The following AP1AR variants were observed in gnomAD, a reference collection of about 807,000 sequenced individuals.
AP1AR encodes the protein adaptor related protein complex 1 associated regulatory protein, also known as AP-1 complex-associated regulatory protein.
AP1AR carries 29 observed loss-of-function variants against 46.3 expected under a neutral mutation model. That is an observed-to-expected ratio of 0.63 (90% CI 0.47 to 0.85). AP1AR has a LOEUF of 0.85. Among genes scored for constraint, AP1AR ranks in the 40% least tolerant of loss-of-function variants. AP1AR has a pLI of 0.00. For missense variants in AP1AR, 357 were observed against 356.3 expected (o/e 1.00, Z -0.02); for synonymous variants, 122 against 122.9 (o/e 0.99, Z 0.05).
At chr4:112,245,642 A>G (rs993114328) in intron 1 of AP1AR, among the ~76,000 whole-genome samples, 6 of 152,212 alleles carry the variant, frequency 3.9e-5, no homozygotes, top group Non-Finnish European at 5.9e-5. Flanking sequence ...TAGGATAACA[A>G]TAGTTCATAG....
intron 1 of AP1AR, among the ~76,000 whole-genome samples, chr4:112,245,506 G>C (rs918447898): frequency 7.2e-5 from 11 of 152,126 alleles, no homozygotes; most frequent in Admixed American, 6.5e-4. Flanking sequence ...TTTGTACTAA[G>C]TCCTCAAAAT....
chr4:112,231,841 T>G lies in AP1AR; in HGVS notation c.-251T>G. 5.3e-6 allele frequency: 2 copies of G among 375,374 alleles called. No individual in the cohort carries two copies. The highest frequency in any genetic ancestry group is 9.5e-6 in the Non-Finnish European group (2 of 211,436). 23.3% of individuals were successfully genotyped at this position (375,374 alleles called of 1,614,324 possible). On this transcript the variant is annotated 5_prime_UTR_variant, in exon 1 of 10. Transcript: ENST00000274000. ...AAGGGCCATGCGGACGGCGAGGGAG[T>G]CCAGAGCCTTGAGCCCGGTGCTCCT...
At chr4:112,245,221 A>C in intron 1 of AP1AR, among the ~76,000 whole-genome samples, 1 of 152,160 alleles carries the variant, frequency 6.6e-6, no homozygotes, top group East Asian at 1.9e-4. Context: ...ATAATGTTTT[A>C]TGCATAATAC....
At chr4:112,242,181 A>G (rs1167198103) in intron 1 of AP1AR, among the ~76,000 whole-genome samples, 1 of 152,252 alleles carries the variant, frequency 6.6e-6, no homozygotes, top group East Asian at 1.9e-4. Flanking sequence ...GCCTATTCTT[A>G]ACAAGACTGG....
chr4:112,244,223 C>G (rs907084906), intron 1 of AP1AR, among the ~76,000 whole-genome samples: 1 of 152,092 alleles, frequency 6.6e-6, no homozygotes, highest in Non-Finnish European at 1.5e-5. Flanking sequence ...TGCCTATTTA[C>G]TTGAAATTTA....
chr4:112,271,326 C>A lies in AP1AR; in HGVS notation c.*2917C>A, dbSNP rs1468469340. Among the ~76,000 whole-genome samples, 1 of 152,214 alleles carries A rather than the reference C, an allele frequency of 6.6e-6. No homozygotes were observed. The highest frequency in any genetic ancestry group is 1.9e-4 in the East Asian group (1 of 5,200). Reference sequence around the variant, plus strand: ...AGGCAATTTCTCATCCAGCTGGTTTCCAGTGACCTCACTCTCATTCAGGTG... The same window carrying A: ...AGGCAATTTCTCATCCAGCTGGTTTACAGTGACCTCACTCTCATTCAGGTG... On this transcript the variant is annotated 3_prime_UTR_variant, in exon 10 of 10. Coordinates refer to ENST00000274000, the MANE Select transcript of AP1AR (RefSeq NM_018569.6).
chr4:112,257,855 C>A lies in AP1AR; in HGVS notation c.185+58C>A, dbSNP rs529605015. 1.6e-4 allele frequency: 231 copies of A among 1,412,530 alleles called. 3 individuals carry two copies. In the South Asian group the frequency reaches 3.2e-3, roughly 19 times the overall value. The allele number at this position is 1,412,530 out of a possible 1,614,324, so 87.5% of individuals were successfully genotyped here. ...TCTATGCAAACTGTAAGAAAACTCT[C>A]TTAAGAAGTCAGGCTTTATCATTTG... On this transcript the variant is annotated intron_variant, in intron 4 of 9. Transcript: ENST00000274000.
At chr4:112,265,211 G>T in intron 7 of AP1AR, 144 bp downstream of exon 7, 1 of 591,572 alleles carries the variant, frequency 1.7e-6, no homozygotes, top group Non-Finnish European at 2.9e-6. Flanking sequence ...ACATTGTCTT[G>T]GAAGAAAACT....
At chr4:112,265,943 C>T (rs1726687813) in intron 8 of AP1AR, 136 bp downstream of exon 8, 3 of 573,272 alleles carry the variant, frequency 5.2e-6, no homozygotes, top group Admixed American at 3.5e-5. Flanking sequence ...CCTAGGTAGT[C>T]ATTAATTATA....
At chr4:112,242,703 C>T (rs1725558700) in intron 1 of AP1AR, among the ~76,000 whole-genome samples, 1 of 152,158 alleles carries the variant, frequency 6.6e-6, no homozygotes, top group African/African-American at 2.4e-5. Flanking sequence ...GAGGGATCCA[C>T]CACTGTTACC....
intron 1 of AP1AR, among the ~76,000 whole-genome samples, chr4:112,232,680 T>G (rs969415947): frequency 1.3e-5 from 2 of 152,234 alleles, no homozygotes; most frequent in Non-Finnish European, 2.9e-5. Flanking sequence ...CAGATACTGA[T>G]GAACTCTGGT....
At position 112,257,773 on chromosome 4, in the gene AP1AR, G is replaced by T; in HGVS notation, c.161G>T (p.Gly54Val). ...EFENLVESDE[G>V]ESPGSSHRPL... ...ATTGTTTAATTAATTTTTGTACAGG[G>T]GGAGAGCCCAGGAAGCAGTCATAGG... The change falls in exon 4 of 10, where the codon GGG (glycine) becomes GTG (valine). Residue 54 changes from glycine (G) to valine (V), a missense_variant and splice_region_variant. By Grantham distance (109) the Gly-to-Val change is moderately radical. Around this residue, in one of 2 missense-constraint regions of AP1AR, gnomAD observed 269 missense variants for 223.6 expected, o/e 1.20. Transcript: ENST00000274000. 1 of 1,565,114 alleles carries T rather than the reference G, an allele frequency of 6.4e-7. No individual in the cohort carries two copies. Among genetic ancestry groups the T allele is most frequent in the Non-Finnish European group, 8.6e-7 (1 of 1,159,802 alleles).
intron 4 of AP1AR, among the ~76,000 whole-genome samples, chr4:112,260,550 T>C (rs1293890387): frequency 6.6e-6 from 1 of 152,244 alleles, no homozygotes; most frequent in Non-Finnish European, 1.5e-5. Context: ...AAAACTATTC[T>C]GATATTGTAT....
At position 112,245,209 on chromosome 4, in the gene AP1AR, AAAT is replaced by A. The variant is rs1427146829; in HGVS notation, c.84-7995_84-7993del. Among the ~76,000 whole-genome samples the A allele has an allele frequency of 1.1e-4, 17 of 152,280 alleles. 1 individual carries two copies. Among genetic ancestry groups the A allele is most frequent in the Middle Eastern group, 6.8e-3 (2 of 294 alleles). ...TTTTATGAATAATAGTTAATTAATA[AAAT>A]AATGTTTTATGCATAATACAATTAA... On this transcript the variant is annotated intron_variant, in intron 1 of 9. Transcript: ENST00000274000.
In AP1AR at chr4:112,263,012, A is replaced by G; in HGVS notation, c.307A>G (p.Arg103Gly). 6.2e-7 allele frequency: 1 copy of G among 1,613,826 alleles called. No individual in the cohort carries two copies. The highest frequency in any genetic ancestry group is 8.5e-7 in the Non-Finnish European group (1 of 1,179,844). The change falls in exon 6 of 10, where the codon AGA becomes GGA. Residue 103 changes from arginine (R) to glycine (G), a missense_variant. Around this residue, in one of 2 missense-constraint regions of AP1AR, gnomAD observed 269 missense variants for 223.6 expected, o/e 1.20. Coordinates refer to ENST00000274000, the MANE Select transcript of AP1AR (RefSeq NM_018569.6). ...KELALQEEKL[R>G]LEEEALYAAQ... ...GTTAGCCTTACAAGAAGAGAAGTTA[A>G]GACTAGAAGAAGAAGCTTTATACGC...
intron 1 of AP1AR, among the ~76,000 whole-genome samples, chr4:112,234,192 C>G (rs1376584097): frequency 6.6e-6 from 1 of 152,170 alleles, no homozygotes; most frequent in Non-Finnish European, 1.5e-5. Flanking sequence ...GAAATACTTG[C>G]TTTGGAGTTC....
chr4:112,261,910 G>T (rs572633320), intron 5 of AP1AR, among the ~76,000 whole-genome samples: 40 of 151,352 alleles, frequency 2.6e-4, no homozygotes, highest in African/African-American at 9.5e-4. Flanking sequence ...TCAAGACTAT[G>T]GGAGGTCGAA....
intron 1 of AP1AR, among the ~76,000 whole-genome samples, chr4:112,240,222 G>A (rs62313753): frequency 0.024 from 3,685 of 152,078 alleles, 73 homozygotes; most frequent in Middle Eastern, 0.037. Flanking sequence ...TTTGCTTCAT[G>A]TGTGTCACAC....
Position 112,269,814 on chromosome 4 carries a change from G to A in AP1AR, c.*1405G>A, listed in dbSNP as rs1726877474. ...TTAGGTAATGCTATTATTTATATCT[G>A]TCTTAACATAATTTAAGTTGTAGCT... is the stretch of plus-strand genomic sequence containing the variant. On this transcript the variant is annotated 3_prime_UTR_variant, in exon 10 of 10. Transcript: ENST00000274000. 1 of 152,226 alleles carries A rather than the reference G, an allele frequency of 6.6e-6. No homozygotes were observed. The highest frequency in any genetic ancestry group is 2.4e-5 in the African/African-American group (1 of 41,326). The allele number at this position is 152,226 out of a possible 1,614,324, so 9.4% of individuals were successfully genotyped here.
Sources: gnomAD v4.1 joint callset for allele counts (sites outside exome capture counted in the v4.1 genomes callset) on GRCh38, gnomAD v4.1.1 for gene constraint, gnomAD v4.1.1 regional missense constraint, MANE v1.5 for transcripts, NCBI Gene and HGNC (gene_info 2026-07-23, HGNC 2026-07-21) for gene names.